Variants in BACH2 observed in about 807,000 individuals in gnomAD.
The protein encoded by BACH2 is transcription regulator protein BACH2.
In BACH2, 5 loss-of-function variants were observed where a neutral mutation model predicts 61.8. The observed-to-expected ratio is 0.08, with a 90% CI of 0.04 to 0.17. The LOEUF (loss-of-function observed/expected upper bound fraction) is 0.17, where lower values mean the gene tolerates loss of function less well. Ranked by LOEUF, BACH2 falls within the 10% of genes least tolerant of loss-of-function variation. BACH2 has a pLI of 1.00. For missense variants in BACH2, 824 were observed against 1,091.1 expected (o/e 0.76, Z 3.45); for synonymous variants, 446 against 440.1 (o/e 1.01, Z -0.17).
intron 5 of BACH2, among the ~76,000 whole-genome samples, chr6:90,052,485 T>C (rs1006818063): frequency 6.6e-6 from 1 of 152,182 alleles, no homozygotes; most frequent in African/African-American, 2.4e-5. Context: ...AGTGGCATGA[T>C]CTTGGCTCAC....
intron 1 of BACH2, among the ~76,000 whole-genome samples, chr6:90,275,996 A>G (rs1010678040): frequency 4.6e-5 from 7 of 152,126 alleles, no homozygotes; most frequent in African/African-American, 1.4e-4. Flanking sequence ...GAAATCATCA[A>G]TGGGCATTAA....
At chr6:90,045,404 C>T (rs1001144984) in intron 5 of BACH2, among the ~76,000 whole-genome samples, 2 of 152,102 alleles carry the variant, frequency 1.3e-5, no homozygotes, top group Non-Finnish European at 2.9e-5. Flanking sequence ...GTGAGTCCTT[C>T]AGGAAAGAAA....
At chr6:90,022,851 A>G (rs1383989888) in intron 5 of BACH2, among the ~76,000 whole-genome samples, 1 of 152,220 alleles carries the variant, frequency 6.6e-6, no homozygotes, top group Non-Finnish European at 1.5e-5. Flanking sequence ...TTATGACCGA[A>G]TAATTCCATG....
chr6:90,255,281 T>C (rs1374441179), intron 2 of BACH2, among the ~76,000 whole-genome samples: 3 of 152,246 alleles, frequency 2.0e-5, no homozygotes, highest in Non-Finnish European at 4.4e-5. Context: ...TCATTTTCAC[T>C]CAACAATTGT....
intron 5 of BACH2, among the ~76,000 whole-genome samples, chr6:90,027,726 T>C (rs1163569273): frequency 6.6e-6 from 1 of 152,200 alleles, no homozygotes; most frequent in Non-Finnish European, 1.5e-5. Flanking sequence ...GGCTTTGGCT[T>C]TGGGGCCATT....
chr6:90,102,354 C>A (rs1782669786), intron 4 of BACH2, among the ~76,000 whole-genome samples: 1 of 152,090 alleles, frequency 6.6e-6, no homozygotes, highest in Non-Finnish European at 1.5e-5. Flanking sequence ...GGTTTCCAGC[C>A]TATCCCTAAA....
At chr6:90,038,648 G>A (rs1472616732) in intron 5 of BACH2, among the ~76,000 whole-genome samples, 2 of 152,112 alleles carry the variant, frequency 1.3e-5, no homozygotes, top group African/African-American at 2.4e-5. Flanking sequence ...TAGAGGCCAC[G>A]AGTGTCTCTT....
intron 3 of BACH2, among the ~76,000 whole-genome samples, chr6:90,226,366 G>A (rs1769915526): frequency 6.6e-6 from 1 of 152,136 alleles, no homozygotes; most frequent in Non-Finnish European, 1.5e-5. Flanking sequence ...TTTGGGCAGT[G>A]GTATGCTGCT....
chr6:90,145,155 G>T (rs1784576393), intron 4 of BACH2, among the ~76,000 whole-genome samples: 1 of 152,050 alleles, frequency 6.6e-6, no homozygotes, highest in African/African-American at 2.4e-5. Context: ...AGCGCATACT[G>T]CCTGACACAT....
chr6:90,273,737 G>A (rs1771601066), intron 1 of BACH2, among the ~76,000 whole-genome samples: 1 of 152,124 alleles, frequency 6.6e-6, no homozygotes, highest in Admixed American at 6.5e-5. Flanking sequence ...ATATTTACTA[G>A]ATGTCCCTAA....
chr6:90,089,825 T>A (rs1782087344), intron 4 of BACH2, among the ~76,000 whole-genome samples: 1 of 152,132 alleles, frequency 6.6e-6, no homozygotes, highest in Non-Finnish European at 1.5e-5. Flanking sequence ...TACATTAGTA[T>A]CTTGTGAGAG....
intron 4 of BACH2, among the ~76,000 whole-genome samples, chr6:90,163,841 C>T (rs947895200): frequency 1.3e-5 from 2 of 152,172 alleles, no homozygotes; most frequent in South Asian, 2.1e-4. Flanking sequence ...ATACTTTTTC[C>T]TTAATAACTT....
At chr6:90,009,338 G>A (rs1392028305) in intron 5 of BACH2, among the ~76,000 whole-genome samples, 1 of 152,160 alleles carries the variant, frequency 6.6e-6, no homozygotes, top group Non-Finnish European at 1.5e-5. Flanking sequence ...GTGAAATTTG[G>A]CTGAGATGCC....
intron 3 of BACH2, among the ~76,000 whole-genome samples, chr6:90,248,366 GA>G (rs1770702958): frequency 6.6e-6 from 1 of 152,124 alleles, no homozygotes; most frequent in Non-Finnish European, 1.5e-5. Context: ...TGCTTGCTAG[GA>G]AGTGGATATT....
At chr6:90,047,286 G>C (rs1308016640) in intron 5 of BACH2, among the ~76,000 whole-genome samples, 1 of 152,150 alleles carries the variant, frequency 6.6e-6, no homozygotes, top group Non-Finnish European at 1.5e-5. Context: ...AGGGATGGGG[G>C]GCAGAGGTGG....
chr6:90,175,767 G>A (rs1767964186), intron 4 of BACH2, among the ~76,000 whole-genome samples: 1 of 152,056 alleles, frequency 6.6e-6, no homozygotes, highest in Admixed American at 6.6e-5. Context: ...AAGGCTAGCC[G>A]ATTCTCAGAG....
intron 2 of BACH2, among the ~76,000 whole-genome samples, chr6:90,261,607 T>C (rs913310915): frequency 1.3e-5 from 2 of 152,096 alleles, no homozygotes; most frequent in Non-Finnish European, 2.9e-5. Context: ...CTGCTTTGGG[T>C]TCGTGGAGCA....
intron 5 of BACH2, among the ~76,000 whole-genome samples, chr6:90,022,647 T>C (rs1482780015): frequency 6.6e-6 from 1 of 152,154 alleles, no homozygotes; most frequent in East Asian, 1.9e-4. Context: ...ATACGGAAAC[T>C]GAGGTGGAAG....
chr6:90,211,516 A>T (rs1769348361), intron 3 of BACH2, among the ~76,000 whole-genome samples: 2 of 152,086 alleles, frequency 1.3e-5, no homozygotes, highest in South Asian at 4.1e-4. Context: ...TGTGGTATAG[A>T]GGTATGCTGA....
Sources: allele counts gnomAD v4.1 joint callset (sites outside exome capture counted in the v4.1 genomes callset), GRCh38; gene constraint gnomAD v4.1.1; transcripts MANE v1.5; gene names NCBI Gene and HGNC (gene_info 2026-07-23, HGNC 2026-07-21).